The following WDR33 variants were observed in gnomAD, a reference collection of about 807,000 sequenced individuals.
WDR33 encodes pre-mRNA 3' end processing protein WDR33.
In WDR33, 47 loss-of-function variants were observed where a neutral mutation model predicts 164.9. The ratio of observed to expected loss-of-function variants is 0.29; its 90% CI spans 0.23 to 0.36. WDR33 has a LOEUF of 0.36. Ranked by LOEUF, WDR33 falls within the 10% of genes least tolerant of loss-of-function variation. The pLI is 1.00. For missense variants in WDR33, 1,137 were observed against 1,754.1 expected (o/e 0.65, Z 6.28); for synonymous variants, 505 against 589.0 (o/e 0.86, Z 2.06).
chr2:127,767,073 G>A (rs1284398769), intron 4 of WDR33, among the ~76,000 whole-genome samples: 1 of 152,112 alleles, frequency 6.6e-6, no homozygotes, highest in Non-Finnish European at 1.5e-5. Context: ...GGCCTCTCAG[G>A]CAAATAAGAG....
intron 7 of WDR33, among the ~76,000 whole-genome samples, chr2:127,734,037 A>C (rs1394675245): frequency 2.0e-5 from 3 of 152,184 alleles, no homozygotes; most frequent in African/African-American, 7.2e-5. Flanking sequence ...TTCCAATTAC[A>C]AATCAACTTT....
chr2:127,793,132 T>G (rs1688899291), intron 1 of WDR33, among the ~76,000 whole-genome samples: 1 of 152,148 alleles, frequency 6.6e-6, no homozygotes, highest in African/African-American at 2.4e-5. Context: ...ATTTGGTACA[T>G]CAAAAACTCA....
chr2:127,744,738 C>T (rs1252327880), intron 7 of WDR33, among the ~76,000 whole-genome samples: 1 of 151,756 alleles, frequency 6.6e-6, no homozygotes, highest in Non-Finnish European at 1.5e-5. Flanking sequence ...TACCTTTCCA[C>T]CCTTACATTC....
chr2:127,720,470 T>C lies in WDR33; in HGVS notation c.1672-117A>G, dbSNP rs1686410525. ...TCTCAAACATAAAAACTGCTCAAAC[T>C]CTTCACGCTCCAGTGGTAATTAGAG... On this transcript the variant is annotated intron_variant, in intron 15 of 21. Transcript: ENST00000322313. The surrounding 1 kb of genome is among the most constrained non-coding windows in gnomAD (Gnocchi z 5.9). 1 of 1,247,092 alleles carries C rather than the reference T, an allele frequency of 8.0e-7. No individual in the cohort carries two copies. The highest frequency in any genetic ancestry group is 1.5e-5 in the African/African-American group (1 of 65,812). 77.3% of individuals were successfully genotyped at this position (1,247,092 alleles called of 1,614,324 possible).
At chr2:127,806,356 C>A (rs1238150661) in intron 1 of WDR33, among the ~76,000 whole-genome samples, 1 of 151,634 alleles carries the variant, frequency 6.6e-6, no homozygotes, top group Non-Finnish European at 1.5e-5. Context: ...TACAGGCATG[C>A]GCAACCACAC....
At position 127,717,117 on chromosome 2, in the gene WDR33, T is replaced by A. The variant is rs367594543; in HGVS notation, c.2869+38A>T. The A allele has an allele frequency of 6.5e-7, 1 of 1,541,466 alleles. No homozygotes were observed. The highest frequency in any genetic ancestry group is 8.8e-7 in the Non-Finnish European group (1 of 1,133,632). On this transcript the variant is annotated intron_variant, in intron 17 of 21. Coordinates refer to ENST00000322313, the MANE Select transcript of WDR33 (RefSeq NM_018383.5). The surrounding 1 kb of genome is among the most constrained non-coding windows in gnomAD (Gnocchi z 5.6). ...CACTGTAAAATGTGCACAAAGGTGG[T>A]AGAATATAATCTTTTATTCAGCTGA...
intron 7 of WDR33, among the ~76,000 whole-genome samples, chr2:127,727,810 C>G (rs1686607499): frequency 6.6e-6 from 1 of 152,008 alleles, no homozygotes; most frequent in African/African-American, 2.4e-5. Flanking sequence ...CCTTCTCTAC[C>G]CTGGATCAAA....
intron 1 of WDR33, among the ~76,000 whole-genome samples, chr2:127,772,486 A>C (rs1269329135): frequency 6.6e-6 from 1 of 152,168 alleles, no homozygotes; most frequent in Admixed American, 6.6e-5. Context: ...AATTATTTTC[A>C]TGTTTATTAA....
At position 127,735,230 on chromosome 2, in the gene WDR33, T is replaced by G. The variant is rs891726817; in HGVS notation, c.725-8453A>C. On this transcript the variant is annotated intron_variant, in intron 7 of 21. Transcript: ENST00000322313. This position sits in a 1 kb window ranked among gnomAD's most constrained non-coding sequence, Gnocchi z 4.3. ...TCTGTGAAACTGGATGTAAACTTTG[T>G]GCCCTGTGCATTTTTCTCAGGCCCT... is the stretch of plus-strand genomic sequence containing the variant. The G allele has an allele frequency of 3.9e-5, 10 of 255,816 alleles. No homozygotes were observed. Among genetic ancestry groups the G allele is most frequent in the Non-Finnish European group, 5.5e-5 (9 of 163,084 alleles). The allele number at this position is 255,816 out of a possible 1,614,324, so 15.8% of individuals were successfully genotyped here.
intron 7 of WDR33, 75 bp downstream of exon 7, chr2:127,762,987 T>C (rs1687723013): frequency 6.2e-7 from 1 of 1,606,630 alleles, no homozygotes; most frequent in African/African-American, 1.3e-5. Context: ...AAGCCAGTAT[T>C]GTGGTTTTGT....
intron 1 of WDR33, among the ~76,000 whole-genome samples, chr2:127,783,599 CTTTTTTT>C (rs35345585): frequency 0.026 from 2,193 of 84,432 alleles, 24 homozygotes; most frequent in South Asian, 0.04. Flanking sequence ...TTCAGGACTC[CTTTTTTT>C]TTTTTTTTTT....
At chr2:127,804,257 C>A (rs1370173975) in intron 1 of WDR33, among the ~76,000 whole-genome samples, 2 of 151,980 alleles carry the variant, frequency 1.3e-5, no homozygotes, top group Non-Finnish European at 2.9e-5. Context: ...GGAGGCGGAG[C>A]TTGCAGTGAG....
chr2:127,736,372 G>T, intron 7 of WDR33: 1 of 985,402 alleles, frequency 1.0e-6, no homozygotes, highest in Non-Finnish European at 1.2e-6. Flanking sequence ...TCAGAAATGA[G>T]TGTTGCAAAA....
rs563758019 is a variant in WDR33, at chr2:127,712,351, G to A, written c.3308+1232C>T. The stretch of plus-strand genomic sequence containing the variant: ...GTGGAGGCTGCAGTGAGCCGAGATC[G>A]TGCCACTGCACTCCAGCCTGGCAAC... On this transcript the variant is annotated intron_variant, in intron 18 of 21. Coordinates refer to ENST00000322313, the MANE Select transcript of WDR33 (RefSeq NM_018383.5). This position sits in a 1 kb window ranked among gnomAD's most constrained non-coding sequence, Gnocchi z 4.0. 6.6e-5 allele frequency among the ~76,000 whole-genome samples: 10 copies of A among 151,790 alleles called. No individual in the cohort carries two copies. Among genetic ancestry groups the A allele is most frequent in the Admixed American group, 1.3e-4 (2 of 15,264 alleles).
chr2:127,740,146 T>C (rs986011967), intron 7 of WDR33, among the ~76,000 whole-genome samples: 10 of 152,274 alleles, frequency 6.6e-5, no homozygotes, highest in African/African-American at 2.4e-4. Context: ...CAATGCCACC[T>C]CCAACACTGA....
Position 127,723,177 on chromosome 2 carries a change from A to G in WDR33, c.1291+76T>C. The G allele has an allele frequency of 6.8e-7, 1 of 1,469,710 alleles. No individual in the cohort carries two copies. The highest frequency in any genetic ancestry group is 9.3e-7 in the Non-Finnish European group (1 of 1,075,078). 91.0% of individuals were successfully genotyped at this position (1,469,710 alleles called of 1,614,324 possible). On this transcript the variant is annotated intron_variant, in intron 12 of 21. Transcript: ENST00000322313. This position sits in a 1 kb window ranked among gnomAD's most constrained non-coding sequence, Gnocchi z 5.9. ...ACTATAAAATTAAAATTCATTTTGT[A>G]TAATCTTCCCAACATCTAACACTTC...
chr2:127,757,355 C>A (rs1184781915), intron 7 of WDR33, among the ~76,000 whole-genome samples: 1 of 152,172 alleles, frequency 6.6e-6, no homozygotes, highest in Non-Finnish European at 1.5e-5. Context: ...CCCTACTACA[C>A]AAACTTGTTT....
At chr2:127,745,445 G>A (rs537418553) in intron 7 of WDR33, among the ~76,000 whole-genome samples, 1 of 152,278 alleles carries the variant, frequency 6.6e-6, no homozygotes, top group Non-Finnish European at 1.5e-5. Context: ...ATATGGCGGA[G>A]TGAAGGTTTC....
chr2:127,762,661 A>T (rs962371068), intron 7 of WDR33: 1 of 997,858 alleles, frequency 1.0e-6, no homozygotes, highest in African/African-American at 1.7e-5. Flanking sequence ...TAGCTTTGAT[A>T]CCTCTATCTT....
Sources: gnomAD v4.1 joint callset for allele counts (sites outside exome capture counted in the v4.1 genomes callset) on GRCh38, gnomAD v4.1.1 for gene constraint, Gnocchi (gnomAD v3.1) non-coding constraint, MANE v1.5 for transcripts, NCBI Gene and HGNC (gene_info 2026-07-23, HGNC 2026-07-21) for gene names.